GATAD2A: variants seen among roughly 807,000 people sequenced by gnomAD.
GATAD2A encodes GATA zinc finger domain containing 2A.
A neutral mutation model predicts 68.5 loss-of-function variants in GATAD2A; 12 were observed. That is an observed-to-expected ratio of 0.18 (90% CI 0.11 to 0.28). The LOEUF (loss-of-function observed/expected upper bound fraction) is 0.28, where lower values mean the gene tolerates loss of function less well. Ranked by LOEUF, GATAD2A falls within the 10% of genes least tolerant of loss-of-function variation. GATAD2A has a pLI of 1.00. For missense variants in GATAD2A, 755 were observed against 868.5 expected (o/e 0.87, Z 1.64); for synonymous variants, 410 against 375.3 (o/e 1.09, Z -1.07).
intron 1 of GATAD2A, among the ~76,000 whole-genome samples, chr19:19,459,509 G>T (rs910276247): frequency 6.6e-6 from 1 of 152,130 alleles, no homozygotes; most frequent in African/African-American, 2.4e-5. Context: ...CATCACTTGA[G>T]CCCAGGTGTT....
chr19:19,397,620 G>A (rs552443089), intron 1 of GATAD2A, among the ~76,000 whole-genome samples: 129 of 152,310 alleles, frequency 8.5e-4, no homozygotes, highest in African/African-American at 2.9e-3. Flanking sequence ...TGTATATGTA[G>A]ACTTTAACCT....
chr19:19,492,039 G>A lies in GATAD2A; in HGVS notation c.270-267G>A, dbSNP rs189910499. Among the ~76,000 whole-genome samples, 100 of 152,344 alleles carry A rather than the reference G, an allele frequency of 6.6e-4. 3 individuals carry two copies. The highest frequency in any genetic ancestry group is 2.2e-3 in the African/African-American group (93 of 41,590). Reference sequence around the variant, plus strand: ...CACCATGTCATGCTCAGGGGCATACGCACCCTCAGCCCTGGCGACATGGCG... The same window carrying A: ...CACCATGTCATGCTCAGGGGCATACACACCCTCAGCCCTGGCGACATGGCG... On this transcript the variant is annotated intron_variant, in intron 2 of 11. Coordinates refer to ENST00000683918, the MANE Select transcript of GATAD2A (RefSeq NM_001384528.1).
intron 2 of GATAD2A, among the ~76,000 whole-genome samples, chr19:19,487,476 G>C (rs1335555832): frequency 6.6e-6 from 1 of 150,956 alleles, no homozygotes; most frequent in Non-Finnish European, 1.5e-5. Context: ...AAGGCACTTA[G>C]ATGGGCTTGC....
At chr19:19,485,844 T>C (rs1386485787) in intron 2 of GATAD2A, among the ~76,000 whole-genome samples, 1 of 152,216 alleles carries the variant, frequency 6.6e-6, no homozygotes, top group African/African-American at 2.4e-5. Context: ...ACAAAAGCGC[T>C]TGGACTCAAA....
At chr19:19,478,383 A>G (rs2058816851) in intron 2 of GATAD2A, among the ~76,000 whole-genome samples, 1 of 152,084 alleles carries the variant, frequency 6.6e-6, no homozygotes, top group South Asian at 2.1e-4. Flanking sequence ...GGCAGATCAC[A>G]TGAGGCCAGG....
chr19:19,508,403 TTGTGCCTGGTCTTACC>T lies in GATAD2A; in HGVS notation c.*2933_*2948del, dbSNP rs1166999006. 2 of 152,240 alleles carry T rather than the reference TTGTGCCTGGTCTTACC, an allele frequency of 1.3e-5. No homozygotes were observed. The highest frequency in any genetic ancestry group is 4.8e-5 in the African/African-American group (2 of 41,456). 9.4% of individuals were successfully genotyped at this position (152,240 alleles called of 1,614,324 possible). A position where few individuals can be genotyped will look rare whatever the true frequency, so the allele number is the denominator to read the frequency against. On this transcript the variant is annotated 3_prime_UTR_variant, in exon 12 of 12. Coordinates refer to ENST00000683918, the MANE Select transcript of GATAD2A (RefSeq NM_001384528.1). ...AGAGTGGAACAGCCCACAGTGCTAG[TTGTGCCTGGTCTTACC>T]TGTACTCCACGGACCTCGGTGAAGC... is the stretch of plus-strand genomic sequence containing the variant.
intron 2 of GATAD2A, among the ~76,000 whole-genome samples, chr19:19,484,171 C>T (rs1200439221): frequency 6.6e-6 from 1 of 152,130 alleles, no homozygotes; most frequent in Non-Finnish European, 1.5e-5. Context: ...CAGCGAGACC[C>T]CACCTGTACA....
intron 1 of GATAD2A, among the ~76,000 whole-genome samples, chr19:19,397,488 G>A (rs561407903): frequency 6.6e-6 from 1 of 152,240 alleles, no homozygotes; most frequent in East Asian, 1.9e-4. Context: ...GCCTACCAAA[G>A]TGTTGGGATT....
At chr19:19,461,674 G>A (rs1464436857) in intron 1 of GATAD2A, among the ~76,000 whole-genome samples, 5 of 152,214 alleles carry the variant, frequency 3.3e-5, no homozygotes, top group Non-Finnish European at 5.9e-5. Flanking sequence ...GCTGGGCTAC[G>A]CCCCCACCAC....
intron 2 of GATAD2A, among the ~76,000 whole-genome samples, chr19:19,484,532 C>CTTTTTTT (rs897099165): frequency 3.4e-5 from 3 of 86,960 alleles, no homozygotes; most frequent in African/African-American, 4.9e-5. Flanking sequence ...TTTTTTTTTT[C>CTTTTTTT]TTTTTTTTTT....
intron 1 of GATAD2A, among the ~76,000 whole-genome samples, chr19:19,456,338 C>T (rs1568302833): frequency 2.0e-5 from 3 of 152,132 alleles, no homozygotes; most frequent in Non-Finnish European, 4.4e-5. Flanking sequence ...TATCCCTTTC[C>T]GGGGTCAGAC....
At chr19:19,494,457 C>T in intron 5 of GATAD2A, 74 bp downstream of exon 5, 1 of 926,110 alleles carries the variant, frequency 1.1e-6, no homozygotes, top group East Asian at 2.5e-5. Flanking sequence ...CCTCGGGCTC[C>T]CAAACAGCCC....
chr19:19,477,367 G>C (rs2058741623), intron 2 of GATAD2A, among the ~76,000 whole-genome samples: 1 of 152,120 alleles, frequency 6.6e-6, no homozygotes, highest in Admixed American at 6.5e-5. Flanking sequence ...AGCTTTGGGG[G>C]TTCATGCGAC....
chr19:19,432,240 G>A (rs1187785983), intron 1 of GATAD2A, among the ~76,000 whole-genome samples: 1 of 152,164 alleles, frequency 6.6e-6, no homozygotes, highest in African/African-American at 2.4e-5. Context: ...TTCCCAAAAT[G>A]CTGGGATTAC....
intron 11 of GATAD2A, among the ~76,000 whole-genome samples, chr19:19,502,738 ACT>A (rs2060620524): frequency 6.6e-6 from 1 of 151,692 alleles, no homozygotes; most frequent in South Asian, 2.1e-4. Flanking sequence ...AACCACCCTC[ACT>A]CTCTGCACCC....
intron 2 of GATAD2A, among the ~76,000 whole-genome samples, chr19:19,481,932 A>C (rs1454541721): frequency 2.6e-5 from 4 of 151,954 alleles, no homozygotes; most frequent in Non-Finnish European, 4.4e-5. Context: ...AGTAGTTCCC[A>C]TATCTACCAA....
intron 1 of GATAD2A, among the ~76,000 whole-genome samples, chr19:19,453,969 T>G (rs1568300281): frequency 6.8e-6 from 1 of 146,698 alleles, no homozygotes; most frequent in Non-Finnish European, 1.5e-5. Context: ...GCCAAATTTT[T>G]TGTGTTTTTT....
chr19:19,422,256 A>G (rs2052514944), intron 1 of GATAD2A, among the ~76,000 whole-genome samples: 1 of 152,190 alleles, frequency 6.6e-6, no homozygotes, highest in Admixed American at 6.5e-5. Context: ...GCATATTTCA[A>G]GGCTCTGGGA....
intron 1 of GATAD2A, among the ~76,000 whole-genome samples, chr19:19,453,684 T>C (rs1390727037): frequency 1.3e-5 from 2 of 151,504 alleles, no homozygotes; most frequent in Non-Finnish European, 2.9e-5. Flanking sequence ...TTTAAAATTT[T>C]TTTTTTTTTT....
Sources: gnomAD v4.1 joint callset for allele counts (sites outside exome capture counted in the v4.1 genomes callset) on GRCh38, gnomAD v4.1.1 for gene constraint, MANE v1.5 for transcripts, NCBI Gene and HGNC (gene_info 2026-07-23, HGNC 2026-07-21) for gene names.